The following SLC25A23 variants were observed in gnomAD, a reference collection of about 807,000 sequenced individuals.
SLC25A23 encodes solute carrier family 25 member 23.
A neutral mutation model predicts 53.9 loss-of-function variants in SLC25A23; 32 were observed. That is an observed-to-expected ratio of 0.59 (90% CI 0.45 to 0.80). SLC25A23 has a LOEUF of 0.80. Ranked by LOEUF, SLC25A23 falls within the 30% of genes least tolerant of loss-of-function variation. The pLI, the probability that SLC25A23 is intolerant of heterozygous loss-of-function variation, is 0.00. For missense variants in SLC25A23, 575 were observed against 651.4 expected (o/e 0.88, Z 1.28); for synonymous variants, 275 against 264.5 (o/e 1.04, Z -0.38).
At chr19:6,443,275 A>AC (rs34947251) in intron 9 of SLC25A23, among the ~76,000 whole-genome samples, 1 of 149,578 alleles carries the variant, frequency 6.7e-6, no homozygotes, top group African/African-American at 2.5e-5. Context: ...TCACTCTGTC[A>AC]CCCAGGCTGG....
chr19:6,447,401 A>T (rs1022630655), intron 8 of SLC25A23, among the ~76,000 whole-genome samples: 8 of 152,136 alleles, frequency 5.3e-5, no homozygotes, highest in Admixed American at 2.6e-4. Context: ...TCCTGGGCTC[A>T]GGTGATCCTC....
chr19:6,452,333 G>A lies in SLC25A23; in HGVS notation c.1050C>T (p.Gly350=). 6.2e-7 allele frequency: 1 copy of A among 1,613,122 alleles called. No homozygotes were observed. Residue 350 remains glycine (G), a synonymous_variant, in exon 8 of 10, where the codon GGC becomes GGT. Transcript: ENST00000301454. ...PNVLGIIPYA[G]IDLAVYETLK... ...AGACCTCGTAGACGGCCAGGTCGATGCCCGCATAGGGGATGATGCCCAGCA... is the reference window on the plus strand; with the variant it reads ...AGACCTCGTAGACGGCCAGGTCGATACCCGCATAGGGGATGATGCCCAGCA...
intron 4 of SLC25A23, chr19:6,456,207 C>T (rs348367): frequency 0.36 from 406,659 of 1,123,428 alleles, 80,078 homozygotes; most frequent in Non-Finnish European, 0.4. Flanking sequence ...TCAAGGGCTG[C>T]GCTTCAATCA....
rs992137752 is a variant in SLC25A23, at chr19:6,458,112, G to C, written c.283+86C>G. The C allele has an allele frequency of 2.6e-6, 4 of 1,514,838 alleles. No homozygotes were observed. The African/African-American group carries it at 5.5e-5, about 21-fold the overall frequency. The allele number at this position is 1,514,838 out of a possible 1,614,324, so 93.8% of individuals were successfully genotyped here. On this transcript the variant is annotated intron_variant, in intron 2 of 9. Coordinates refer to ENST00000301454, the MANE Select transcript of SLC25A23 (RefSeq NM_024103.3). ...AAGCGGCCCTCCCCCTCTCCTCCTAGCGCTGCCAGTTCTAACCCCACTGAT... is the reference window on the plus strand; with the variant it reads ...AAGCGGCCCTCCCCCTCTCCTCCTACCGCTGCCAGTTCTAACCCCACTGAT...
At chr19:6,449,961 G>A (rs933433294) in intron 8 of SLC25A23, among the ~76,000 whole-genome samples, 2 of 147,782 alleles carry the variant, frequency 1.4e-5, no homozygotes, top group Admixed American at 6.9e-5. Flanking sequence ...GGGTTCAAGC[G>A]ATTCTCCTAC....
chr19:6,457,794 G>A (rs1283711807), intron 2 of SLC25A23, among the ~76,000 whole-genome samples: 1 of 151,774 alleles, frequency 6.6e-6, no homozygotes, highest in Non-Finnish European at 1.5e-5. Context: ...ATACTGGGGG[G>A]GCTTCTCTGT....
chr19:6,450,414 G>C (rs1447176461), intron 8 of SLC25A23, among the ~76,000 whole-genome samples: 1 of 152,038 alleles, frequency 6.6e-6, no homozygotes, highest in Non-Finnish European at 1.5e-5. Flanking sequence ...ATCCTGTCTT[G>C]TGATCTTCTG....
chr19:6,459,395 G>A lies in SLC25A23; in HGVS notation c.156+78C>T, dbSNP rs2092728659. On this transcript the variant is annotated intron_variant, in intron 1 of 9. Transcript: ENST00000301454. This position sits in a 1 kb window ranked among gnomAD's most constrained non-coding sequence, Gnocchi z 4.6. ...GCCACAGGTAGTCCCTGGTGGCTCC[G>A]GCCGCCCAGTTCAGGGGCTTGGGTA... The A allele has an allele frequency of 4.5e-6, 6 of 1,319,774 alleles. No homozygotes were observed. In the East Asian group the frequency reaches 8.8e-5, roughly 19 times the overall value. 81.8% of individuals were successfully genotyped at this position (1,319,774 alleles called of 1,614,324 possible).
rs142681286 is a variant in SLC25A23 at position 6,449,857 on chromosome 19, C to CTT, written c.1071+2453_1071+2454dup. On this transcript the variant is annotated intron_variant, in intron 8 of 9. Coordinates refer to ENST00000301454, the MANE Select transcript of SLC25A23 (RefSeq NM_024103.3). ...CCGCATCTTATTTCTACTCACAACT[C>CTT]TTTTTTTTTTTTTTTTTTTTTTGAG... is the stretch of plus-strand genomic sequence containing the variant. Among the ~76,000 whole-genome samples the CTT allele has an allele frequency of 6.5e-3, 825 of 127,054 alleles. 37 individuals carry two copies. The highest frequency in any genetic ancestry group is 0.025 in the African/African-American group (624 of 25,412). The allele number at this position is 127,054 out of a possible 152,430, so 83.4% of individuals were successfully genotyped here.
rs930498576 is a variant in SLC25A23, at chr19:6,459,702, C to G, written c.-74G>C. The G allele has an allele frequency of 4.1e-5, 49 of 1,198,460 alleles. No homozygotes were observed. Among genetic ancestry groups the G allele is most frequent in the South Asian group, 1.7e-4 (5 of 29,298 alleles). The allele number at this position is 1,198,460 out of a possible 1,614,324, so 74.2% of individuals were successfully genotyped here. ...GGGGCTTCGCGGCTCCCCCTCCCCC[C>G]CCGGGACCCCGCAGGGTCAGCTCCC... On this transcript the variant is annotated 5_prime_UTR_variant, in exon 1 of 10. Transcript: ENST00000301454. This position sits in a 1 kb window ranked among gnomAD's most constrained non-coding sequence, Gnocchi z 4.6.
intron 8 of SLC25A23, among the ~76,000 whole-genome samples, chr19:6,449,811 G>A (rs1016547639): frequency 4.6e-5 from 7 of 151,624 alleles, no homozygotes; most frequent in African/African-American, 1.7e-4. Flanking sequence ...TGGGATTACA[G>A]GCACAAGCCA....
intron 9 of SLC25A23, among the ~76,000 whole-genome samples, chr19:6,442,934 CTTTT>C (rs1024821991): frequency 8.8e-6 from 1 of 113,144 alleles, no homozygotes; most frequent in Admixed American, 8.8e-5. Flanking sequence ...ATGCCCAGCC[CTTTT>C]TTTTTTTTTT....
At position 6,457,449 on chromosome 19, in the gene SLC25A23, C is replaced by CA. The variant is rs1356370355; in HGVS notation, c.371+53dup. The CA allele has an allele frequency of 2.7e-6, 4 of 1,505,388 alleles. No homozygotes were observed. The Admixed American group carries it at 6.8e-5, about 26-fold the overall frequency. 93.3% of individuals were successfully genotyped at this position (1,505,388 alleles called of 1,614,324 possible). ...CTGGAGCCCAGAAGACAGAGATGGC[C>CA]AAGGGGTCACTGTGTCCTGAGTTAC... On this transcript the variant is annotated intron_variant, in intron 3 of 9. Coordinates refer to ENST00000301454, the MANE Select transcript of SLC25A23 (RefSeq NM_024103.3).
intron 7 of SLC25A23, among the ~76,000 whole-genome samples, chr19:6,453,008 G>A (rs1333202915): frequency 1.3e-5 from 2 of 152,204 alleles, no homozygotes; most frequent in African/African-American, 4.8e-5. Context: ...AGAGAAAGAG[G>A]TACACATAAG....
chr19:6,442,245 G>A (rs940894351), intron 9 of SLC25A23, 86 bp from the exon 10 acceptor site: 11 of 914,332 alleles, frequency 1.2e-5, no homozygotes, highest in Non-Finnish European at 1.6e-5. Flanking sequence ...GCCAGGTGGT[G>A]TCATTGCAGC....
intron 7 of SLC25A23, among the ~76,000 whole-genome samples, chr19:6,453,489 C>G (rs939663082): frequency 1.3e-5 from 2 of 152,114 alleles, no homozygotes; most frequent in Non-Finnish European, 2.9e-5. Context: ...ATCCACCTGC[C>G]TCGGCCTCCC....
intron 2 of SLC25A23, 52 bp from the exon 3 acceptor site, chr19:6,457,642 G>A (rs759700688): frequency 6.7e-7 from 1 of 1,498,234 alleles, no homozygotes; most frequent in Non-Finnish European, 9.3e-7. Context: ...GACACCTGGG[G>A]AACCCCAGGA....
At chr19:6,439,835 T>C (rs946687543), downstream of SLC25A23, among the ~76,000 whole-genome samples, 11 of 151,686 alleles carry the variant, frequency 7.3e-5, no homozygotes, top group Non-Finnish European at 1.3e-4. Context: ...ATCTCAAAAA[T>C]AAATAAATAA....
intron 9 of SLC25A23, 109 bp downstream of exon 9, chr19:6,444,042 G>C (rs1916132233): frequency 8.2e-7 from 1 of 1,225,134 alleles, no homozygotes; most frequent in Non-Finnish European, 1.1e-6. Context: ...CGGAGGCCCA[G>C]AGAAGCCCAT....
Sources: gnomAD v4.1 joint callset for allele counts (sites outside exome capture counted in the v4.1 genomes callset) on GRCh38, gnomAD v4.1.1 for gene constraint, Gnocchi (gnomAD v3.1) non-coding constraint, MANE v1.5 for transcripts, NCBI Gene and HGNC (gene_info 2026-07-23, HGNC 2026-07-21) for gene names.